RGSL1: variants seen among roughly 807,000 people sequenced by gnomAD.
RGSL1 encodes the protein regulator of G protein signaling like 1.
RGSL1 carries 97 observed loss-of-function variants against 124.7 expected under a neutral mutation model. That is an observed-to-expected ratio of 0.78 (90% CI 0.66 to 0.92). RGSL1 has a LOEUF of 0.92. Among genes scored for constraint, RGSL1 ranks in the 40% least tolerant of loss-of-function variants. The pLI is 0.00. For synonymous variants in RGSL1, 424 were observed against 438.1 expected (o/e 0.97, Z 0.40); for missense variants, 1,233 against 1,288.4 (o/e 0.96, Z 0.66).
intron 6 of RGSL1, among the ~76,000 whole-genome samples, chr1:182,481,336 G>C (rs949858328): frequency 6.6e-6 from 1 of 151,932 alleles, no homozygotes; most frequent in African/African-American, 2.4e-5. Context: ...CAACAAATTG[G>C]ACAACCTACA....
intron 21 of RGSL1, 153 bp from the exon 22 acceptor site, chr1:182,560,126 A>G (rs764128114): frequency 2.0e-5 from 3 of 152,256 alleles, no homozygotes; most frequent in African/African-American, 2.4e-5. Flanking sequence ...CACTGACCTT[A>G]TAGTCAGACT....
intron 9 of RGSL1, among the ~76,000 whole-genome samples, chr1:182,511,628 G>A (rs1289285310): frequency 1.3e-5 from 2 of 152,096 alleles, no homozygotes; most frequent in African/African-American, 4.8e-5. Flanking sequence ...TGTTTCCATG[G>A]TGCTGATTTG....
chr1:182,526,757 T>C (rs1256291609), intron 10 of RGSL1, among the ~76,000 whole-genome samples: 1 of 152,114 alleles, frequency 6.6e-6, no homozygotes, highest in Non-Finnish European at 1.5e-5. Context: ...TCAATTGATG[T>C]AGAAAAAAAG....
At chr1:182,488,203 T>G in intron 6 of RGSL1, 82 bp from the exon 7 acceptor site, 2 of 1,343,444 alleles carry the variant, frequency 1.5e-6, no homozygotes, top group African/African-American at 1.5e-5. Flanking sequence ...CAGCCTACTC[T>G]GCTCCCAGGT....
At chr1:182,456,001 A>T (rs1461876506) in intron 2 of RGSL1, among the ~76,000 whole-genome samples, 1 of 152,214 alleles carries the variant, frequency 6.6e-6, no homozygotes, top group African/African-American at 2.4e-5. Flanking sequence ...TGTTTCAATC[A>T]TCTAGGTGGG....
rs1372361821 is a variant in RGSL1, at chr1:182,488,961, C to T, written c.1495-19C>T. The T allele has an allele frequency of 1.3e-6, 2 of 1,542,808 alleles. No individual in the cohort carries two copies. Among genetic ancestry groups the T allele is most frequent in the Non-Finnish European group, 1.8e-6 (2 of 1,141,474 alleles). On this transcript the variant is annotated intron_variant, in intron 7 of 21. Coordinates refer to ENST00000294854, the MANE Select transcript of RGSL1 (RefSeq NM_001137669.2). ...GTTCCTGTAACAAATGCCATCTTCC[C>T]CTCACCCTCTTCTCTTAGACACAGA...
In RGSL1 at chr1:182,554,773, C is replaced by T. The variant is rs1002599731; in HGVS notation, c.3197+80C>T. 9.6e-6 allele frequency: 13 copies of T among 1,361,036 alleles called. No homozygotes were observed. The African/African-American group carries it at 1.7e-4, about 18-fold the overall frequency. 84.3% of individuals were successfully genotyped at this position (1,361,036 alleles called of 1,614,324 possible). On this transcript the variant is annotated intron_variant, in intron 20 of 21. Coordinates refer to ENST00000294854, the MANE Select transcript of RGSL1 (RefSeq NM_001137669.2). The stretch of plus-strand genomic sequence containing the variant: ...TGCAATAGGAGATGGTATAAACTTT[C>T]CAGAGACTAGCCTCATACCCTGCCT...
rs187905701 is a variant in RGSL1 at position 182,547,785 on chromosome 1, C to T, written c.2670-532C>T. ...CTGAGGCAGGAGAATGGCATGAACC[C>T]GGGAGGCCAAGCTTGCAGTGAGCCG... On this transcript the variant is annotated intron_variant, in intron 15 of 21. Transcript: ENST00000294854. 3.8e-4 allele frequency among the ~76,000 whole-genome samples: 58 copies of T among 152,186 alleles called. No individual in the cohort carries two copies. In the East Asian group the frequency reaches 3.9e-3, roughly 10 times the overall value.
intron 3 of RGSL1, among the ~76,000 whole-genome samples, chr1:182,459,590 ATAGGGGT>A (rs1652637873): frequency 6.6e-6 from 1 of 152,210 alleles, no homozygotes. Flanking sequence ...AGTGCAATTG[ATAGGGGT>A]TAGGAGCTTG....
intron 14 of RGSL1, among the ~76,000 whole-genome samples, chr1:182,533,965 A>G (rs977382560): frequency 2.0e-5 from 3 of 152,208 alleles, no homozygotes; most frequent in Admixed American, 2.0e-4. Context: ...GGACTGTGCA[A>G]TTCAAAAACT....
intron 9 of RGSL1, among the ~76,000 whole-genome samples, chr1:182,499,529 A>G (rs533706007): frequency 4.5e-4 from 68 of 152,140 alleles, no homozygotes; most frequent in Non-Finnish European, 8.7e-4. Flanking sequence ...TTTGCTTGGT[A>G]GATTTTTCTC....
chr1:182,525,434 A>G (rs1658669486), intron 10 of RGSL1, among the ~76,000 whole-genome samples: 1 of 152,196 alleles, frequency 6.6e-6, no homozygotes, highest in South Asian at 2.1e-4. Flanking sequence ...TAGAATATCA[A>G]TAATGAGATA....
At chr1:182,494,964 TG>T (rs1655809703) in intron 9 of RGSL1, among the ~76,000 whole-genome samples, 1 of 152,228 alleles carries the variant, frequency 6.6e-6, no homozygotes, top group Non-Finnish European at 1.5e-5. Context: ...GAGATCCCAT[TG>T]AGGGATCAAT....
chr1:182,540,162 C>T, intron 14 of RGSL1, 85 bp from the exon 15 acceptor site: 2 of 1,316,274 alleles, frequency 1.5e-6, no homozygotes, highest in Non-Finnish European at 2.0e-6. Flanking sequence ...TCCACAGTCT[C>T]CTTTCTTCTT....
intron 6 of RGSL1, among the ~76,000 whole-genome samples, chr1:182,478,821 A>G (rs986727605): frequency 6.6e-6 from 1 of 152,188 alleles, no homozygotes; most frequent in African/African-American, 2.4e-5. Context: ...AAGACAAAGA[A>G]TTTTGAAAGA....
chr1:182,528,203 A>T (rs2102260445), intron 11 of RGSL1, among the ~76,000 whole-genome samples: 1 of 152,242 alleles, frequency 6.6e-6, no homozygotes, highest in African/African-American at 2.4e-5. Flanking sequence ...CACTATCATG[A>T]GAACAGCATG....
intron 17 of RGSL1, chr1:182,550,839 C>T (rs967550978): frequency 2.1e-6 from 1 of 472,868 alleles, no homozygotes; most frequent in South Asian, 3.4e-5. Context: ...CCTTTACAGG[C>T]TCCATTCACT....
At chr1:182,504,003 C>CA (rs1196105390) in intron 9 of RGSL1, among the ~76,000 whole-genome samples, 3 of 112,418 alleles carry the variant, frequency 2.7e-5, no homozygotes, top group African/African-American at 1.0e-4. Context: ...TTTTTTGAGA[C>CA]AGAGTCTCAC....
intron 6 of RGSL1, among the ~76,000 whole-genome samples, chr1:182,481,437 G>A (rs1004211371): frequency 6.6e-6 from 1 of 152,150 alleles, no homozygotes; most frequent in Admixed American, 6.5e-5. Flanking sequence ...AAAAGAGACT[G>A]AAGAAGTAAT....
Sources: gnomAD v4.1 joint callset for allele counts (sites outside exome capture counted in the v4.1 genomes callset) on GRCh38, gnomAD v4.1.1 for gene constraint, MANE v1.5 for transcripts, NCBI Gene and HGNC (gene_info 2026-07-23, HGNC 2026-07-21) for gene names.